The following EYS variants were observed in gnomAD, a reference collection of about 807,000 sequenced individuals.
EYS encodes the protein EGF-like photoreceptor maintenance factor, also known as protein eyes shut homolog.
Under a neutral mutation model 282.1 loss-of-function variants are expected in EYS, and 250 were observed. The observed-to-expected ratio is 0.89, with a 90% CI of 0.80 to 0.98. EYS has a LOEUF of 0.98. Ranked by LOEUF, EYS falls within the 50% of genes least tolerant of loss-of-function variation. The pLI is 0.00. For missense variants in EYS, 4,016 were observed against 3,709.0 expected (o/e 1.08, Z -2.15); for synonymous variants, 1,355 against 1,282.9 (o/e 1.06, Z -1.20).
chr6:64,565,886 A>G (rs1055300450), intron 26 of EYS, among the ~76,000 whole-genome samples: 5 of 142,792 alleles, frequency 3.5e-5, no homozygotes, highest in Admixed American at 2.0e-4. Flanking sequence ...CCTTAAATAG[A>G]TACAATACAA....
intron 5 of EYS, among the ~76,000 whole-genome samples, chr6:65,487,956 T>C (rs1356261238): frequency 6.6e-6 from 1 of 152,176 alleles, no homozygotes; most frequent in Non-Finnish European, 1.5e-5. Flanking sequence ...TCTAGTTTAT[T>C]TGCATAGAGG....
chr6:65,196,555 A>T (rs1765770729), intron 12 of EYS, among the ~76,000 whole-genome samples: 1 of 152,106 alleles, frequency 6.6e-6, no homozygotes. Context: ...ACCAAGCATT[A>T]TTAAGCCCTT....
chr6:64,989,532 ATT>A (rs1770985154), intron 14 of EYS, among the ~76,000 whole-genome samples: 1 of 136,700 alleles, frequency 7.3e-6, no homozygotes, highest in South Asian at 2.2e-4. Flanking sequence ...TATAATATAT[ATT>A]ATGTTATAAT....
rs770566051 is a variant in EYS, at chr6:65,402,566, G to A, written c.1096C>T (p.Leu366Phe). ...CICSPIFTDLLCKSIQTSCES... is the reference protein window; with the variant it reads ...CICSPIFTDLFCKSIQTSCES... ...CATGATGTTTGAATGCTCTTACAAA[G>A]CAAATCTGTAAATATTGGTGAACAG... The change falls in exon 7 of 43, where the codon CTT (leucine) becomes TTT (phenylalanine). Residue 366 changes from leucine to phenylalanine, a missense_variant. Physicochemically the swap from Leu to Phe is conservative, Grantham distance 22. Coordinates refer to ENST00000503581, the MANE Select transcript of EYS (RefSeq NM_001142800.2). 1.3e-6 allele frequency: 2 copies of A among 1,578,736 alleles called. No homozygotes were observed. Among genetic ancestry groups the A allele is most frequent in the Admixed American group, 3.3e-5 (2 of 59,724 alleles).
intron 35 of EYS, among the ~76,000 whole-genome samples, chr6:63,866,578 G>T (rs1322083872): frequency 6.6e-6 from 1 of 152,192 alleles, no homozygotes; most frequent in African/African-American, 2.4e-5. Flanking sequence ...AGGTCCTATT[G>T]ATAAATCAAG....
At chr6:65,661,767 G>A (rs1001210172) in intron 1 of EYS, among the ~76,000 whole-genome samples, 11 of 152,080 alleles carry the variant, frequency 7.2e-5, no homozygotes, top group Non-Finnish European at 8.8e-5. Context: ...TATGAAGATG[G>A]TAAAAATCTG....
chr6:64,061,381 CTA>C (rs1771165487), intron 33 of EYS, among the ~76,000 whole-genome samples: 1 of 152,208 alleles, frequency 6.6e-6, no homozygotes, highest in African/African-American at 2.4e-5. Context: ...ATAGCTCTCT[CTA>C]TGTGATCCCT....
intron 33 of EYS, among the ~76,000 whole-genome samples, chr6:64,045,864 CAT>C (rs1770597919): frequency 7.2e-6 from 1 of 139,394 alleles, no homozygotes; most frequent in African/African-American, 2.5e-5. Flanking sequence ...GTAATATACA[CAT>C]ATGTACCATA....
intron 30 of EYS, among the ~76,000 whole-genome samples, chr6:64,295,410 GGAAAGAA>G (rs1768899416): frequency 1.0e-3 from 3 of 2,868 alleles, no homozygotes; most frequent in Non-Finnish European, 1.5e-3. Flanking sequence ...AGGAAGGAGA[GGAAAGAA>G]GAAGAAGAAG....
intron 35 of EYS, among the ~76,000 whole-genome samples, chr6:63,901,406 A>G (rs1773655843): frequency 6.6e-6 from 1 of 152,264 alleles, no homozygotes; most frequent in African/African-American, 2.4e-5. Context: ...AACTATACAG[A>G]CACATGTGTA....
chr6:64,403,828 G>A (rs930177306), intron 28 of EYS, among the ~76,000 whole-genome samples: 8 of 152,150 alleles, frequency 5.3e-5, no homozygotes, highest in African/African-American at 1.2e-4. Flanking sequence ...CTTATGTAGA[G>A]AAATAAAGGG....
intron 19 of EYS, among the ~76,000 whole-genome samples, chr6:64,845,187 A>G (rs1765681376): frequency 6.6e-6 from 1 of 152,076 alleles, no homozygotes; most frequent in Non-Finnish European, 1.5e-5. Context: ...GCTACTCAGG[A>G]AGCTGAGGTG....
chr6:65,009,163 C>T (rs1171943741), intron 13 of EYS, among the ~76,000 whole-genome samples: 3 of 151,976 alleles, frequency 2.0e-5, no homozygotes, highest in East Asian at 3.9e-4. Flanking sequence ...CAAAGAATGC[C>T]CATCCTGTTC....
chr6:65,321,246 G>A (rs564062221), intron 11 of EYS, among the ~76,000 whole-genome samples: 2 of 151,892 alleles, frequency 1.3e-5, no homozygotes, highest in African/African-American at 2.4e-5. Context: ...TTCATTGGAA[G>A]GCCTGGAAGT....
intron 2 of EYS, among the ~76,000 whole-genome samples, chr6:65,601,868 T>C (rs746316972): frequency 1.3e-5 from 2 of 151,966 alleles, no homozygotes; most frequent in Admixed American, 1.3e-4. Context: ...TATCAAAACA[T>C]ATAATTAGTT....
intron 12 of EYS, among the ~76,000 whole-genome samples, chr6:65,192,270 C>G (rs1399910090): frequency 7.1e-6 from 1 of 140,440 alleles, no homozygotes; most frequent in Non-Finnish European, 1.6e-5. Context: ...ACAACTATTT[C>G]TTTCCCTATA....
In EYS at chr6:64,337,157, A is replaced by G. The variant is rs181241490; in HGVS notation, c.6079-30075T>C. Among the ~76,000 whole-genome samples, 593 of 152,116 alleles carry G rather than the reference A, an allele frequency of 3.9e-3. 4 individuals carry two copies. The highest frequency in any genetic ancestry group is 0.013 in the African/African-American group (552 of 41,554). On this transcript the variant is annotated intron_variant, in intron 29 of 42. Transcript: ENST00000503581. ...AGAACTAAATGAAATTGAAACAACAACAACAAAAATACAAAAGATAAATGA... is the reference window on the plus strand; with the variant it reads ...AGAACTAAATGAAATTGAAACAACAGCAACAAAAATACAAAAGATAAATGA...
chr6:63,745,889 T>C (rs1769198678), intron 41 of EYS, among the ~76,000 whole-genome samples: 1 of 152,100 alleles, frequency 6.6e-6, no homozygotes, highest in Admixed American at 6.5e-5. Flanking sequence ...TTAGTATCCT[T>C]ATAAGAAGAA....
At chr6:64,840,565 AT>A (rs1185445920) in intron 19 of EYS, among the ~76,000 whole-genome samples, 1 of 152,116 alleles carries the variant, frequency 6.6e-6, no homozygotes, top group Admixed American at 6.6e-5. Flanking sequence ...TTCGAAACTA[AT>A]GGATAGCCCT....
Sources: gnomAD v4.1 joint callset for allele counts (sites outside exome capture counted in the v4.1 genomes callset) on GRCh38, gnomAD v4.1.1 for gene constraint, MANE v1.5 for transcripts, NCBI Gene and HGNC (gene_info 2026-07-23, HGNC 2026-07-21) for gene names.